SLC1A1: variants seen among roughly 807,000 people sequenced by gnomAD.
SLC1A1 encodes the protein solute carrier family 1 member 1.
SLC1A1 carries 43 observed loss-of-function variants against 53.3 expected under a neutral mutation model. The observed-to-expected ratio is 0.81, with a 90% CI of 0.63 to 1.04. The LOEUF (loss-of-function observed/expected upper bound fraction) is 1.04, where lower values mean the gene tolerates loss of function less well. SLC1A1 is among the 50% of genes least tolerant of loss of function. SLC1A1 has a pLI of 0.00. For synonymous variants in SLC1A1, 307 were observed against 243.2 expected (o/e 1.26, Z -2.44); for missense variants, 748 against 664.9 (o/e 1.12, Z -1.37).
intron 1 of SLC1A1, among the ~76,000 whole-genome samples, chr9:4,517,124 G>A (rs560499575): frequency 6.6e-6 from 1 of 152,164 alleles, no homozygotes; most frequent in East Asian, 1.9e-4. Flanking sequence ...AAAGTGTTTG[G>A]GCCTTAGGCA....
intron 2 of SLC1A1, among the ~76,000 whole-genome samples, chr9:4,557,387 C>T (rs552963079): frequency 2.0e-5 from 3 of 152,312 alleles, no homozygotes; most frequent in South Asian, 2.1e-4. Flanking sequence ...TTTGTTCATT[C>T]GACATTGTCG....
At position 4,506,508 on chromosome 9, in the gene SLC1A1, G is replaced by C. The variant is rs570395728; in HGVS notation, c.91+15738G>C. On this transcript the variant is annotated intron_variant, in intron 1 of 11. Coordinates refer to ENST00000262352, the MANE Select transcript of SLC1A1 (RefSeq NM_004170.6). ...CATGCCTGGGTCTCCTCTGTATCTGGTTTAACATCTGCATTGAATATTGGT... is the reference window on the plus strand; with the variant it reads ...CATGCCTGGGTCTCCTCTGTATCTGCTTTAACATCTGCATTGAATATTGGT... Among the ~76,000 whole-genome samples the C allele has an allele frequency of 7.3e-4, 111 of 151,598 alleles. 1 individual carries two copies. The highest frequency in any genetic ancestry group is 1.4e-3 in the Non-Finnish European group (94 of 67,956).
chr9:4,585,993 T>G lies in SLC1A1; in HGVS notation c.*435T>G. 1 of 189,678 alleles carries G rather than the reference T, an allele frequency of 5.3e-6. No homozygotes were observed. The highest frequency in any genetic ancestry group is 1.1e-5 in the Non-Finnish European group (1 of 90,306). 11.7% of individuals were successfully genotyped at this position (189,678 alleles called of 1,614,324 possible). The stretch of plus-strand genomic sequence containing the variant: ...GGATTTCCTTTGACCTCTCACTTTT[T>G]TATAAATTATAATGCATCTAAACCA... On this transcript the variant is annotated 3_prime_UTR_variant, in exon 12 of 12. Transcript: ENST00000262352.
intron 1 of SLC1A1, among the ~76,000 whole-genome samples, chr9:4,508,923 G>A (rs1317165984): frequency 6.6e-6 from 1 of 152,160 alleles, no homozygotes; most frequent in East Asian, 1.9e-4. Flanking sequence ...TTCTGCCTTG[G>A]GAGCTTGAGA....
rs139904831 is a variant in SLC1A1, at chr9:4,576,172, C to T, written c.998+49C>T. 6.5e-4 allele frequency: 1,030 copies of T among 1,573,166 alleles called. 16 individuals carry two copies. The East Asian group carries it at 0.018, about 28-fold the overall frequency. ...AAGAAGCCTCCAGGCTCAACGTTAT[C>T]AACTCTCACCTCACTTTACAAAACA... On this transcript the variant is annotated intron_variant, in intron 9 of 11. Coordinates refer to ENST00000262352, the MANE Select transcript of SLC1A1 (RefSeq NM_004170.6).
intron 6 of SLC1A1, among the ~76,000 whole-genome samples, chr9:4,569,281 T>C (rs969871331): frequency 4.6e-5 from 7 of 152,218 alleles, no homozygotes; most frequent in African/African-American, 1.4e-4. Context: ...ATATACTGCA[T>C]ATTATGCAAC....
At chr9:4,498,508 T>C (rs1014114173) in intron 1 of SLC1A1, among the ~76,000 whole-genome samples, 3 of 151,128 alleles carry the variant, frequency 2.0e-5, no homozygotes, top group Non-Finnish European at 4.4e-5. Flanking sequence ...ACCAGTGATT[T>C]CCACAACAAT....
At chr9:4,553,537 T>A (rs1818119805) in intron 2 of SLC1A1, 2 of 152,054 alleles carry the variant, frequency 1.3e-5, no homozygotes, top group African/African-American at 4.8e-5. Context: ...CGGCTAATTT[T>A]TGTATTTTTA....
chr9:4,576,505 C>T (rs1022154653), intron 9 of SLC1A1, 64 bp from the exon 10 acceptor site: 37 of 1,375,588 alleles, frequency 2.7e-5, no homozygotes, highest in Non-Finnish European at 3.7e-5. Flanking sequence ...ACAGGCATGT[C>T]TTCAGGCAGG....
intron 1 of SLC1A1, among the ~76,000 whole-genome samples, chr9:4,502,389 GAAAAAAAAAAAA>G (rs775499017): frequency 8.9e-5 from 5 of 56,490 alleles, no homozygotes. Context: ...CCTGTCTCCA[GAAAAAAAAAAAA>G]AAAAAAAAAA....
rs1469939128 is a variant in SLC1A1 at position 4,585,838 on chromosome 9, A to G, written c.*280A>G. On this transcript the variant is annotated 3_prime_UTR_variant, in exon 12 of 12. Transcript: ENST00000262352. ...ACAAAGTTTGGAAGTACATAAAGTA[A>G]TAACTGTTAGAATTAGGTAATGGAT... The G allele has an allele frequency of 1.4e-5, 6 of 443,858 alleles. No homozygotes were observed. The highest frequency in any genetic ancestry group is 2.5e-5 in the Non-Finnish European group (6 of 241,938). 27.5% of individuals were successfully genotyped at this position (443,858 alleles called of 1,614,324 possible). A position where few individuals can be genotyped will look rare whatever the true frequency, so the allele number is the denominator to read the frequency against.
intron 1 of SLC1A1, among the ~76,000 whole-genome samples, chr9:4,520,786 T>A (rs1378338785): frequency 2.0e-5 from 3 of 152,264 alleles, no homozygotes; most frequent in Admixed American, 6.5e-5. Context: ...TATCTAGGCA[T>A]GCAATTGCTG....
Position 4,526,718 on chromosome 9 carries a change from A to T in SLC1A1, c.92-17849A>T, listed in dbSNP as rs145280550. ...TACTGAATAGAATTCTAACAAAATT[A>T]CAATTAAGAAATAAAGTTAATGCCA... On this transcript the variant is annotated intron_variant, in intron 1 of 11. Coordinates refer to ENST00000262352, the MANE Select transcript of SLC1A1 (RefSeq NM_004170.6). Among the ~76,000 whole-genome samples the T allele has an allele frequency of 2.9e-4, 44 of 152,318 alleles. 1 individual carries two copies. The highest frequency in any genetic ancestry group is 8.5e-4 in the Admixed American group (13 of 15,298).
At chr9:4,538,965 G>C (rs776742965) in intron 1 of SLC1A1, among the ~76,000 whole-genome samples, 1 of 152,172 alleles carries the variant, frequency 6.6e-6, no homozygotes, top group Non-Finnish European at 1.5e-5. Flanking sequence ...TAATTAATTT[G>C]CTTAATGTAG....
At chr9:4,516,914 A>G (rs1821179359) in intron 1 of SLC1A1, among the ~76,000 whole-genome samples, 1 of 152,038 alleles carries the variant, frequency 6.6e-6, no homozygotes, top group Non-Finnish European at 1.5e-5. Flanking sequence ...ACCACCCCTC[A>G]AGCACCAGCC....
chr9:4,519,251 C>T (rs1815979010), intron 1 of SLC1A1, among the ~76,000 whole-genome samples: 1 of 152,158 alleles, frequency 6.6e-6, no homozygotes, highest in Non-Finnish European at 1.5e-5. Flanking sequence ...GAAATGGATA[C>T]AAATAATAAT....
intron 6 of SLC1A1, 28 bp downstream of exon 6, chr9:4,567,795 C>T (rs749807512): frequency 1.5e-6 from 2 of 1,332,884 alleles, no homozygotes; most frequent in Non-Finnish European, 2.2e-6. Flanking sequence ...TGTTCCTCTT[C>T]CCCAGGAGAC....
chr9:4,568,996 C>T (rs191634354), intron 6 of SLC1A1, among the ~76,000 whole-genome samples: 13 of 152,266 alleles, frequency 8.5e-5, no homozygotes, highest in Admixed American at 6.5e-4. Context: ...CCAGGAGCAA[C>T]GGTTCAGTAT....
At chr9:4,522,745 C>T (rs1376158726) in intron 1 of SLC1A1, among the ~76,000 whole-genome samples, 1 of 152,128 alleles carries the variant, frequency 6.6e-6, no homozygotes, top group Non-Finnish European at 1.5e-5. Context: ...AACTGTCAAA[C>T]ACTTATAAAA....
Sources: allele counts gnomAD v4.1 joint callset (sites outside exome capture counted in the v4.1 genomes callset), GRCh38; gene constraint gnomAD v4.1.1; transcripts MANE v1.5; gene names NCBI Gene and HGNC (gene_info 2026-07-23, HGNC 2026-07-21).